The following ADAM21 variants were observed in gnomAD, a reference collection of about 807,000 sequenced individuals.
The protein encoded by ADAM21 is disintegrin and metalloproteinase domain-containing protein 21.
For synonymous variants in ADAM21, 262 were observed against 306.0 expected, an observed-to-expected ratio of 0.86 and a Z score of 1.50; for missense variants, 678 against 874.4, an observed-to-expected ratio of 0.78 and a Z score of 2.83.
intron 1 of ADAM21, among the ~76,000 whole-genome samples, chr14:70,456,401 C>G (rs570657459): frequency 6.5e-4 from 99 of 152,314 alleles, no homozygotes; most frequent in African/African-American, 2.2e-3. Context: ...AAATTCCCCA[C>G]TTTCAAAAAC....
rs546931496 is a variant in ADAM21, at chr14:70,459,543, G to GT, written c.2051dup (p.Leu684PhefsTer34). ...TGGCCCAGCATCTGCAAAGAGAGGA[G>GT]TTTTTTTGCCGCTGATTGTGATTCC... On this transcript the variant is annotated frameshift_variant, in exon 2 of 2. Transcript: ENST00000603540. LOFTEE classifies it low-confidence loss of function (END_TRUNC). 6.4e-5 allele frequency: 103 copies of GT among 1,614,154 alleles called. No individual in the cohort carries two copies. The East Asian group carries it at 8.5e-4, about 13-fold the overall frequency.
At position 70,458,775 on chromosome 14, in the gene ADAM21, C is replaced by A. The variant is rs142811319; in HGVS notation, c.1276C>A (p.Gln426Lys). The A allele has an allele frequency of 1.5e-4, 243 of 1,614,158 alleles. No individual in the cohort carries two copies. The highest frequency in any genetic ancestry group is 2.0e-4 in the Non-Finnish European group (236 of 1,180,034). ...REEQCDCGSV[Q>K]QCEQDACCLL... ...AGAGCAGTGTGACTGTGGATCCGTACAGCAGTGTGAACAAGACGCCTGTTG... is the reference window on the plus strand; with the variant it reads ...AGAGCAGTGTGACTGTGGATCCGTAAAGCAGTGTGAACAAGACGCCTGTTG... The change falls in exon 2 of 2, where the codon CAG (glutamine) becomes AAG (lysine). Residue 426 changes from glutamine to lysine, a missense_variant. Gln to Lys is a moderately conservative substitution (Grantham distance 53). Transcript: ENST00000603540.
Position 70,457,411 on chromosome 14 carries a change from G to A in ADAM21, c.-89G>A. 6.3e-7 allele frequency: 1 copy of A among 1,581,246 alleles called. No homozygotes were observed. Among genetic ancestry groups the A allele is most frequent in the East Asian group, 2.2e-5 (1 of 44,698 alleles). On this transcript the variant is annotated 5_prime_UTR_variant, in exon 2 of 2. Transcript: ENST00000603540. ...CCACAGGGTCAGCCCTGCATCCTGA[G>A]CAGCTTAGAGGGAGAAGCCAGACCA...
intron 1 of ADAM21, among the ~76,000 whole-genome samples, chr14:70,456,431 GCAAA>G (rs1370104773): frequency 6.6e-6 from 1 of 152,142 alleles, no homozygotes; most frequent in Non-Finnish European, 1.5e-5. Flanking sequence ...ATATATTTGA[GCAAA>G]CACTCAGACT....
In ADAM21 at chr14:70,452,662, G is replaced by A. The variant is rs148861122; in HGVS notation, c.-152+399G>A. ...ATTACAGGCGTGAGCCACCGCGCCC[G>A]GCGTGTTTTCATTTTTAAAGATATG... On this transcript the variant is annotated intron_variant, in intron 1 of 1. Coordinates refer to ENST00000603540, the MANE Select transcript of ADAM21 (RefSeq NM_003813.4). 6.6e-3 allele frequency among the ~76,000 whole-genome samples: 1,009 copies of A among 152,298 alleles called. 17 individuals carry two copies. Among genetic ancestry groups the A allele is most frequent in the African/African-American group, 0.023 (936 of 41,556 alleles).
intron 1 of ADAM21, among the ~76,000 whole-genome samples, chr14:70,456,456 G>A (rs1882410753): frequency 6.6e-6 from 1 of 152,094 alleles, no homozygotes; most frequent in Non-Finnish European, 1.5e-5. Context: ...CTTCCCTGGC[G>A]ATCCTAAAAT....
chr14:70,455,057 G>C (rs534757186), intron 1 of ADAM21, among the ~76,000 whole-genome samples: 1 of 152,122 alleles, frequency 6.6e-6, no homozygotes, highest in African/African-American at 2.4e-5. Flanking sequence ...GGTTCAATAC[G>C]GTAAGTAGAT....
intron 1 of ADAM21, among the ~76,000 whole-genome samples, chr14:70,454,307 T>A (rs543771267): frequency 8.2e-6 from 1 of 121,972 alleles, no homozygotes; most frequent in South Asian, 2.4e-4. Flanking sequence ...GGTTTTGGGA[T>A]TTTTTTTTTT....
rs545760078 is a variant in ADAM21, at chr14:70,457,374, C to G, written c.-126C>G. The stretch of plus-strand genomic sequence containing the variant: ...CACTGCAGTTCTGATCTAACTCTGC[C>G]AGGACACAGATCCACAGGGTCAGCC... On this transcript the variant is annotated 5_prime_UTR_variant, in exon 2 of 2. Coordinates refer to ENST00000603540, the MANE Select transcript of ADAM21 (RefSeq NM_003813.4). 6.8e-7 allele frequency: 1 copy of G among 1,464,004 alleles called. No homozygotes were observed. Among genetic ancestry groups the G allele is most frequent in the Non-Finnish European group, 9.4e-7 (1 of 1,066,892 alleles). 90.7% of individuals were successfully genotyped at this position (1,464,004 alleles called of 1,614,324 possible). A position where few individuals can be genotyped will look rare whatever the true frequency, so the allele number is the denominator to read the frequency against.
chr14:70,458,626 C>A lies in ADAM21; in HGVS notation c.1127C>A (p.Thr376Asn). The A allele has an allele frequency of 6.2e-7, 1 of 1,613,346 alleles. No homozygotes were observed. The highest frequency in any genetic ancestry group is 8.5e-7 in the Non-Finnish European group (1 of 1,179,800). ...NTFRVPAEKFTNCSYADFMKT... is the reference protein window; with the variant it reads ...NTFRVPAEKFNNCSYADFMKT... ...TTTAGAGTGCCAGCAGAGAAATTCA[C>A]CAATTGCAGTTACGCTGATTTTATG... The change falls in exon 2 of 2, where the codon ACC becomes AAC. Residue 376 changes from threonine (T) to asparagine (N), a missense_variant. Physicochemically the swap from Thr to Asn is moderately conservative, Grantham distance 65 (BLOSUM62 0). Transcript: ENST00000603540.
rs1566637846 is a variant in ADAM21 at position 70,459,570 on chromosome 14, T to C, written c.2071T>C (p.Ser691Pro). Reference sequence around the variant, plus strand: ...TTTTTTGCCGCTGATTGTGATTCCTTCTTTGTCTGTTTTGACTTTCCTGTT... The same window carrying C: ...TTTTTTGCCGCTGATTGTGATTCCTCCTTTGTCTGTTTTGACTTTCCTGTT... ...GVFLPLIVIP[S>P]LSVLTFLFTV... The change falls in exon 2 of 2, where the codon TCT becomes CCT. Residue 691 changes from serine (S) to proline (P), a missense_variant. By Grantham distance (74) the Ser-to-Pro change is moderately conservative. Transcript: ENST00000603540. 6.2e-7 allele frequency: 1 copy of C among 1,614,182 alleles called. No individual in the cohort carries two copies. Among genetic ancestry groups the C allele is most frequent in the African/African-American group, 1.3e-5 (1 of 75,052 alleles).
At chr14:70,454,907 A>G (rs1419973717) in intron 1 of ADAM21, among the ~76,000 whole-genome samples, 2 of 152,198 alleles carry the variant, frequency 1.3e-5, no homozygotes, top group Non-Finnish European at 2.9e-5. Flanking sequence ...GTAGTCAGAT[A>G]TTGCAGGATA....
rs772201673 is a variant in ADAM21, at chr14:70,458,259, A to T, written c.760A>T (p.Ile254Phe). 16 of 1,614,030 alleles carry T rather than the reference A, an allele frequency of 9.9e-6. No homozygotes were observed. In the South Asian group the frequency reaches 1.8e-4, roughly 18 times the overall value. Reference protein sequence around the residue: ...SMYKQLGTYIILIGIEIWNQG... With the variant: ...SMYKQLGTYIFLIGIEIWNQG... ...GTATAAGCAGTTAGGTACTTACATA[A>T]TTTTGATTGGAATTGAAATTTGGAA... Residue 254 changes from isoleucine (I) to phenylalanine (F), a missense_variant, in exon 2 of 2, where the codon ATT becomes TTT. Physicochemically the swap from Ile to Phe is conservative, Grantham distance 21. Coordinates refer to ENST00000603540, the MANE Select transcript of ADAM21 (RefSeq NM_003813.4).
rs112885465 is a variant in ADAM21 at position 70,459,395 on chromosome 14, T to G, written c.1896T>G (p.His632Gln). The change falls in exon 2 of 2, where the codon CAT becomes CAG. Residue 632 changes from histidine to glutamine, a missense_variant. By Grantham distance (24) the His-to-Gln change is conservative. Transcript: ENST00000603540. Reference protein sequence around the residue: ...KKCVSLSVLSHVCLPETCNMK... With the variant: ...KKCVSLSVLSQVCLPETCNMK... The stretch of plus-strand genomic sequence containing the variant: ...GTGTCAGTCTGTCTGTCTTGTCACA[T>G]GTCTGCCTTCCTGAGACCTGCAATA... 243 of 1,614,250 alleles carry G rather than the reference T, an allele frequency of 1.5e-4. No homozygotes were observed. Among genetic ancestry groups the G allele is most frequent in the Non-Finnish European group, 2.0e-4 (236 of 1,180,036 alleles).
rs769216882 is a variant in ADAM21, at chr14:70,458,562, T to C, written c.1063T>C (p.Phe355Leu). The C allele has an allele frequency of 3.1e-6, 5 of 1,611,838 alleles. No individual in the cohort carries two copies. The South Asian group carries it at 5.5e-5, about 18-fold the overall frequency. Residue 355 changes from phenylalanine (F) to leucine (L), a missense_variant, in exon 2 of 2, where the codon TTC becomes CTC. By Grantham distance (22) the Phe-to-Leu change is conservative (BLOSUM62 0). Coordinates refer to ENST00000603540, the MANE Select transcript of ADAM21 (RefSeq NM_003813.4). ...HTLGMQHDEEFCFCGERGCIM... is the reference protein window; with the variant it reads ...HTLGMQHDEELCFCGERGCIM... Reference sequence around the variant, plus strand: ...GTTAGGTATGCAGCATGATGAAGAATTCTGTTTTTGTGGGGAAAGAGGTTG... The same window carrying C: ...GTTAGGTATGCAGCATGATGAAGAACTCTGTTTTTGTGGGGAAAGAGGTTG...
Position 70,457,826 on chromosome 14 carries a change from T to C in ADAM21, c.327T>C (p.Cys109=), listed in dbSNP as rs1244840968. Residue 109 remains cysteine (C), a synonymous_variant, in exon 2 of 2, where the codon TGT becomes TGC. Transcript: ENST00000603540. ...LEDQLFIPDD[C]YYHGYVEAAP... is the part of the protein sequence containing the mutation. Reference sequence around the variant, plus strand: ...ATCAGCTCTTCATCCCAGATGACTGTTACTATCATGGTTACGTGGAGGCAG... The same window carrying C: ...ATCAGCTCTTCATCCCAGATGACTGCTACTATCATGGTTACGTGGAGGCAG... 2.5e-6 allele frequency: 4 copies of C among 1,613,696 alleles called. No individual in the cohort carries two copies. The highest frequency in any genetic ancestry group is 4.5e-5 in the East Asian group (2 of 44,820).
At chr14:70,452,398 C>T (rs1431963148) in intron 1 of ADAM21, 135 bp downstream of exon 1, 1 of 153,810 alleles carries the variant, frequency 6.5e-6, no homozygotes, top group Non-Finnish European at 1.4e-5. Context: ...TGGAGTCTCA[C>T]TCTGTCGCCC....
chr14:70,459,560 T>G lies in ADAM21; in HGVS notation c.2061T>G (p.Ile687Met). ...SAKRGVFLPL[I>M]VIPSLSVLTF... ...AGAGAGGAGTTTTTTTGCCGCTGAT[T>G]GTGATTCCTTCTTTGTCTGTTTTGA... The change falls in exon 2 of 2, where the codon ATT (isoleucine) becomes ATG (methionine). Residue 687 changes from isoleucine to methionine, a missense_variant. Ile to Met is a conservative substitution (Grantham distance 10). Transcript: ENST00000603540. 1 of 1,614,194 alleles carries G rather than the reference T, an allele frequency of 6.2e-7. No homozygotes were observed. The highest frequency in any genetic ancestry group is 8.5e-7 in the Non-Finnish European group (1 of 1,180,024).
rs771793133 is a variant in ADAM21, at chr14:70,459,500, T to TG, written c.2006dup (p.Ser670GlnfsTer3). 1.2e-6 allele frequency: 2 copies of TG among 1,614,074 alleles called. No individual in the cohort carries two copies. The highest frequency in any genetic ancestry group is 2.7e-5 in the African/African-American group (2 of 74,942). On this transcript the variant is annotated frameshift_variant, in exon 2 of 2. Coordinates refer to ENST00000603540, the MANE Select transcript of ADAM21 (RefSeq NM_003813.4). LOFTEE classifies it low-confidence loss of function (END_TRUNC). ...CACCCTACTGCCAGCACAGAGGCTATGGGGGCAGTATTGACAGTGGCCCAG... is the reference window on the plus strand; with the variant it reads ...CACCCTACTGCCAGCACAGAGGCTATGGGGGGCAGTATTGACAGTGGCCCAG...
Sources: gnomAD v4.1 joint callset for allele counts (sites outside exome capture counted in the v4.1 genomes callset) on GRCh38, gnomAD v4.1.1 for gene constraint, MANE v1.5 for transcripts, NCBI Gene and HGNC (gene_info 2026-07-23, HGNC 2026-07-21) for gene names.